SLC39A11: variants seen among roughly 807,000 people sequenced by gnomAD.
SLC39A11 encodes solute carrier family 39 member 11, also known as zinc transporter ZIP11.
Under a neutral mutation model 36.1 loss-of-function variants are expected in SLC39A11, and 33 were observed. The observed-to-expected ratio is 0.91, with a 90% CI of 0.69 to 1.22. The LOEUF (loss-of-function observed/expected upper bound fraction) is 1.22, where lower values mean the gene tolerates loss of function less well. SLC39A11 is among the 50% of genes most tolerant of loss of function. The pLI, the probability that SLC39A11 is intolerant of heterozygous loss-of-function variation, is 0.00. For synonymous variants in SLC39A11, 166 were observed against 170.3 expected, an observed-to-expected ratio of 0.97 and a Z score of 0.20; for missense variants, 432 against 430.3, an observed-to-expected ratio of 1.00 and a Z score of -0.03.
At chr17:72,907,256 G>A (rs374910667) in intron 5 of SLC39A11, among the ~76,000 whole-genome samples, 58 of 152,314 alleles carry the variant, frequency 3.8e-4, no homozygotes, top group African/African-American at 1.3e-3. Flanking sequence ...TCGGGAGGCC[G>A]AGGCGGGCGC....
chr17:72,852,215 A>AAAAAAAAAAAAAAC (rs2079379524), intron 5 of SLC39A11, among the ~76,000 whole-genome samples: 5 of 148,304 alleles, frequency 3.4e-5, no homozygotes, highest in Non-Finnish European at 4.5e-5. Context: ...AAAAAAAAAA[A>AAAAAAAAAAAAAAC]AAAAAAAAAA....
At chr17:72,901,859 G>A (rs2082407503) in intron 5 of SLC39A11, among the ~76,000 whole-genome samples, 1 of 152,176 alleles carries the variant, frequency 6.6e-6, no homozygotes, top group Non-Finnish European at 1.5e-5. Context: ...ATGGGGCCCT[G>A]AGATAAAGAC....
chr17:73,091,529 T>A (rs1029932210), intron 1 of SLC39A11, among the ~76,000 whole-genome samples: 1 of 152,184 alleles, frequency 6.6e-6, no homozygotes, highest in African/African-American at 2.4e-5. Context: ...TCCTGCCCCA[T>A]GTGGGATTGG....
At chr17:72,982,795 A>G (rs773158108) in intron 4 of SLC39A11, among the ~76,000 whole-genome samples, 18 of 152,076 alleles carry the variant, frequency 1.2e-4, no homozygotes, top group Non-Finnish European at 1.9e-4. Flanking sequence ...TTAAAATTAC[A>G]TAACATTTGA....
rs1162603035 is a variant in SLC39A11, at chr17:72,729,405, TTATATATATATATATATATATATATA to T, written c.671+7219_671+7244del. ...GGTGCATGCCACCCCACCTGGCTAT[TTATATATATATATATATATATATATA>T]TATATATATATATATATATATATAT... On this transcript the variant is annotated intron_variant, in intron 7 of 9. Coordinates refer to ENST00000255559, the MANE Select transcript of SLC39A11 (RefSeq NM_139177.4). 5.1e-4 allele frequency among the ~76,000 whole-genome samples: 15 copies of T among 29,222 alleles called. 1 individual carries two copies. The highest frequency in any genetic ancestry group is 3.6e-4 in the Non-Finnish European group (5 of 13,902). The allele number at this position is 29,222 out of a possible 152,430, so 19.2% of individuals were successfully genotyped here. A position where few individuals can be genotyped will look rare whatever the true frequency, so the allele number is the denominator to read the frequency against.
At chr17:72,889,268 A>G (rs1287455901) in intron 5 of SLC39A11, among the ~76,000 whole-genome samples, 13 of 152,196 alleles carry the variant, frequency 8.5e-5, no homozygotes, top group Admixed American at 6.5e-5. Context: ...TAATCCCAGC[A>G]CTTTGGGAGG....
At chr17:72,824,941 A>C (rs2077950912) in intron 6 of SLC39A11, among the ~76,000 whole-genome samples, 1 of 151,436 alleles carries the variant, frequency 6.6e-6, no homozygotes, top group Non-Finnish European at 1.5e-5. Context: ...CAGAGCAAAA[A>C]GTTTAGAAAC....
At chr17:72,694,343 A>C (rs1476152848) in intron 7 of SLC39A11, among the ~76,000 whole-genome samples, 1 of 152,188 alleles carries the variant, frequency 6.6e-6, no homozygotes, top group Non-Finnish European at 1.5e-5. Context: ...AAACTTCAGG[A>C]AGGAGAGCTA....
At chr17:72,783,136 C>T (rs1012211238) in intron 6 of SLC39A11, among the ~76,000 whole-genome samples, 3 of 151,164 alleles carry the variant, frequency 2.0e-5, no homozygotes, top group African/African-American at 7.3e-5. Flanking sequence ...ATGATTCTCA[C>T]CAGAAAGCAG....
intron 5 of SLC39A11, among the ~76,000 whole-genome samples, chr17:72,943,691 C>T (rs1204653674): frequency 6.6e-6 from 1 of 152,194 alleles, no homozygotes; most frequent in African/African-American, 2.4e-5. Context: ...ATGCCTTCTC[C>T]TGGTCTTTCC....
At chr17:72,923,216 A>G (rs762954756) in intron 5 of SLC39A11, among the ~76,000 whole-genome samples, 15 of 152,094 alleles carry the variant, frequency 9.9e-5, no homozygotes, top group Non-Finnish European at 1.9e-4. Flanking sequence ...GTGTGGGGCT[A>G]TGGACCACCC....
chr17:73,047,990 A>AAAAAAAAAAAAATATATATATAT (rs1555693446), intron 3 of SLC39A11, among the ~76,000 whole-genome samples: 1 of 58,676 alleles, frequency 1.7e-5, no homozygotes, highest in Non-Finnish European at 3.0e-5. Flanking sequence ...AAAAAAAAAA[A>AAAAAAAAAAAAATATATATATAT]ATATATATAT....
intron 5 of SLC39A11, among the ~76,000 whole-genome samples, chr17:72,892,736 A>G (rs1567896552): frequency 6.6e-6 from 1 of 152,222 alleles, no homozygotes; most frequent in South Asian, 2.1e-4. Context: ...TCCACAATCC[A>G]ACCAGTAAAC....
intron 4 of SLC39A11, among the ~76,000 whole-genome samples, chr17:72,978,810 A>C (rs1039840925): frequency 6.6e-6 from 1 of 152,204 alleles, no homozygotes; most frequent in Non-Finnish European, 1.5e-5. Flanking sequence ...GAACGAAAGG[A>C]AACAACAAAT....
At chr17:72,856,483 G>A (rs11868642) in intron 5 of SLC39A11, among the ~76,000 whole-genome samples, 61,989 of 151,974 alleles carry the variant, frequency 0.41, 15,499 homozygotes, top group Non-Finnish European at 0.55. Context: ...GGGAGTAGCA[G>A]GTATTATTAT....
At chr17:72,856,213 C>T (rs774151595) in intron 5 of SLC39A11, among the ~76,000 whole-genome samples, 4 of 152,110 alleles carry the variant, frequency 2.6e-5, no homozygotes, top group African/African-American at 7.2e-5. Context: ...CTCATTATGC[C>T]GCTTCTTAGC....
chr17:72,662,992 T>C (rs986420539), intron 7 of SLC39A11, among the ~76,000 whole-genome samples: 1 of 152,224 alleles, frequency 6.6e-6, no homozygotes, highest in African/African-American at 2.4e-5. Context: ...AATGGAATAC[T>C]GTGTGGCAAT....
rs1567978777 is a variant in SLC39A11 at position 72,716,988 on chromosome 17, TATATACACAC to T, written c.671+19652_671+19661del. ...TGTCTCAAAAAAAAAAAAATATATA[TATATACACAC>T]ACACACACACACACACACACACACA... On this transcript the variant is annotated intron_variant, in intron 7 of 9. Coordinates refer to ENST00000255559, the MANE Select transcript of SLC39A11 (RefSeq NM_139177.4). Among the ~76,000 whole-genome samples the T allele has an allele frequency of 8.6e-4, 109 of 126,886 alleles. 2 individuals carry two copies. The highest frequency in any genetic ancestry group is 3.5e-3 in the African/African-American group (103 of 29,690). 83.2% of individuals were successfully genotyped at this position (126,886 alleles called of 152,430 possible).
At chr17:72,781,022 C>T (rs1214717706) in intron 6 of SLC39A11, among the ~76,000 whole-genome samples, 2 of 152,150 alleles carry the variant, frequency 1.3e-5, no homozygotes, top group East Asian at 3.8e-4. Context: ...CCCAAATCAG[C>T]TTATTTCTTT....
Sources: gnomAD v4.1 joint callset for allele counts (sites outside exome capture counted in the v4.1 genomes callset) on GRCh38, gnomAD v4.1.1 for gene constraint, MANE v1.5 for transcripts, NCBI Gene and HGNC (gene_info 2026-07-23, HGNC 2026-07-21) for gene names.